The following ZNF487 variants were observed in gnomAD, a reference collection of about 807,000 sequenced individuals.
The protein encoded by ZNF487 is KRAB domain only 1.
ZNF487 carries 4 observed loss-of-function variants against 3.0 expected under a neutral mutation model. The observed-to-expected ratio is 1.35, with a 90% CI of 0.66 to 3.08. The LOEUF is 3.08. ZNF487 is among the 30% of genes most tolerant of loss of function. The probability of loss-of-function intolerance (pLI) is 0.01; values close to 1 mark genes in which losing one functional copy is unlikely to be tolerated. For missense variants in ZNF487, 146 were observed against 98.7 expected (o/e 1.48, Z -2.03); for synonymous variants, 55 against 34.6 (o/e 1.59, Z -2.06).
At chr10:43,477,376 G>T (rs1283799494) in intron 3 of ZNF487, among the ~76,000 whole-genome samples, 1 of 151,742 alleles carries the variant, frequency 6.6e-6, no homozygotes, top group African/African-American at 2.4e-5. Context: ...TGTATTTTTA[G>T]TAGAGATGGG....
At chr10:43,490,203 G>T in the ZNF487 span, among the ~76,000 whole-genome samples, 8 of 151,900 alleles carry the variant, frequency 5.3e-5, no homozygotes, top group African/African-American at 1.9e-4. Context: ...TACAAAAAGG[G>T]GTAGCCAGTG....
At chr10:43,459,331 G>A (rs1287018413) in intron 1 of ZNF487, among the ~76,000 whole-genome samples, 1 of 152,044 alleles carries the variant, frequency 6.6e-6, no homozygotes, top group African/African-American at 2.4e-5. Context: ...CCAGGTTCAA[G>A]TGATCCTCCT....
At chr10:43,499,337 T>A in the ZNF487 span, among the ~76,000 whole-genome samples, 5 of 152,214 alleles carry the variant, frequency 3.3e-5, no homozygotes, top group African/African-American at 1.2e-4. Flanking sequence ...GATATTTTAA[T>A]AATTACAGGA....
At chr10:43,513,059 C>A in the ZNF487 span, among the ~76,000 whole-genome samples, 6 of 152,230 alleles carry the variant, frequency 3.9e-5, no homozygotes, top group Non-Finnish European at 8.8e-5. Context: ...GTGTTTGCTA[C>A]TTCTTGCTCA....
the ZNF487 span, chr10:43,523,717 G>T: frequency 6.5e-6 from 1 of 152,818 alleles, no homozygotes; most frequent in South Asian, 1.9e-4. Flanking sequence ...GTGTGCTTCT[G>T]GGAGAAACCT....
At position 43,481,293 on chromosome 10, in the gene ZNF487, T is replaced by TGCACAATCCAGCCTGGGTGACAGAGCCAG. The variant is rs1841345472; in HGVS notation, c.131-135_131-107dup. ...CTGCAGTGAGCCATGATCACACCAC[T>TGCACAATCCAGCCTGGGTGACAGAGCCAG]GCACAATCCAGCCTGGGTGACAGAG... On this transcript the variant is annotated intron_variant, in intron 3 of 3. Transcript: ENST00000437590. 12 of 597,684 alleles carry TGCACAATCCAGCCTGGGTGACAGAGCCAG rather than the reference T, an allele frequency of 2.0e-5. No homozygotes were observed. The South Asian group carries it at 2.5e-4, about 13-fold the overall frequency. 37.0% of individuals were successfully genotyped at this position (597,684 alleles called of 1,614,324 possible).
At chr10:43,490,099 A>G in the ZNF487 span, among the ~76,000 whole-genome samples, 1 of 152,228 alleles carries the variant, frequency 6.6e-6, no homozygotes, top group Non-Finnish European at 1.5e-5. Flanking sequence ...CTATAATCCC[A>G]GCACTTTGAG....
the ZNF487 span, among the ~76,000 whole-genome samples, chr10:43,498,114 CTTTTTTTTTTTTTTTTT>C: frequency 4.1e-5 from 1 of 24,616 alleles, no homozygotes; most frequent in Non-Finnish European, 6.5e-5. Context: ...TTTTTTTTTT[CTTTTTTTTTTTTTTTTT>C]TTTTTTTTTT....
downstream of ZNF487, among the ~76,000 whole-genome samples, chr10:43,484,115 T>A (rs1490232235): frequency 6.6e-6 from 1 of 151,996 alleles, no homozygotes; most frequent in Non-Finnish European, 1.5e-5. Flanking sequence ...GTGATCCACC[T>A]GCTTTGGCCC....
the ZNF487 span, among the ~76,000 whole-genome samples, chr10:43,517,917 G>C: frequency 6.6e-6 from 1 of 152,170 alleles, no homozygotes; most frequent in African/African-American, 2.4e-5. Flanking sequence ...ACATGCTGGA[G>C]CTCGGTGGAA....
upstream of ZNF487, chr10:43,437,046 C>A (rs1839411131): frequency 6.0e-6 from 2 of 336,032 alleles, no homozygotes; most frequent in Non-Finnish European, 6.0e-6. Context: ...TCCGGAAGCG[C>A]AGGGAGCGCT....
At chr10:43,443,847 G>A (rs951906444) in intron 1 of ZNF487, among the ~76,000 whole-genome samples, 3 of 149,558 alleles carry the variant, frequency 2.0e-5, no homozygotes, top group Non-Finnish European at 4.5e-5. Flanking sequence ...TTTGTATATT[G>A]CTTGAATTTT....
the ZNF487 span, among the ~76,000 whole-genome samples, chr10:43,522,108 TG>T: frequency 6.6e-6 from 1 of 152,330 alleles, no homozygotes; most frequent in South Asian, 2.1e-4. Flanking sequence ...CTCTGGACAT[TG>T]GCTTTTGGTG....
chr10:43,444,196 G>A (rs1839722231), intron 1 of ZNF487, among the ~76,000 whole-genome samples: 1 of 152,046 alleles, frequency 6.6e-6, no homozygotes, highest in Admixed American at 6.6e-5. Context: ...TTGTCCTTTG[G>A]CTAGAAAGCG....
the ZNF487 span, chr10:43,496,154 G>A: frequency 5.9e-5 from 30 of 510,334 alleles, no homozygotes; most frequent in East Asian, 3.4e-4. Flanking sequence ...TAAGGATTGC[G>A]TTTTATATAC....
chr10:43,465,390 A>C (rs1840651588), intron 1 of ZNF487, among the ~76,000 whole-genome samples: 1 of 147,414 alleles, frequency 6.8e-6, no homozygotes, highest in Non-Finnish European at 1.5e-5. Flanking sequence ...CACTTCTCAG[A>C]CGGGGCGGCT....
the ZNF487 span, among the ~76,000 whole-genome samples, chr10:43,522,087 A>G: frequency 6.6e-6 from 1 of 152,226 alleles, no homozygotes; most frequent in East Asian, 1.9e-4. Context: ...CATAGCCTAC[A>G]TGTATGCTTT....
At chr10:43,498,091 ATATATATATTTTTTTTTTTTTTCTTTTTT>A in the ZNF487 span, among the ~76,000 whole-genome samples, 522 of 27,904 alleles carry the variant, frequency 0.019, 42 homozygotes, top group Non-Finnish European at 0.021. Flanking sequence ...ATATATATAT[ATATATATATTTTTTTTTTTTTTCTTTTTT>A]TTTTTTTTTT....
At chr10:43,462,680 T>G (rs1291825039) in intron 1 of ZNF487, among the ~76,000 whole-genome samples, 2 of 152,076 alleles carry the variant, frequency 1.3e-5, no homozygotes, top group East Asian at 3.9e-4. Flanking sequence ...GGTCACGATC[T>G]CTTGACCTCG....
Sources: allele counts gnomAD v4.1 joint callset (sites outside exome capture counted in the v4.1 genomes callset), GRCh38; gene constraint gnomAD v4.1.1; transcripts MANE v1.5; gene names NCBI Gene and HGNC (gene_info 2026-07-23, HGNC 2026-07-21).